The following USF2 variants were observed in gnomAD, a reference collection of about 807,000 sequenced individuals.
USF2 encodes upstream stimulatory factor 2.
A neutral mutation model predicts 46.9 loss-of-function variants in USF2; 16 were observed. The observed-to-expected ratio is 0.34, with a 90% CI of 0.23 to 0.52. USF2 has a LOEUF of 0.52. USF2 is among the 20% of genes least tolerant of loss of function. The pLI is 0.96. For missense variants in USF2, 411 were observed against 474.0 expected (o/e 0.87, Z 1.23); for synonymous variants, 239 against 194.1 (o/e 1.23, Z -1.92).
At chr19:35,278,579 G>T in intron 7 of USF2, 119 bp from the exon 8 acceptor site, 1 of 1,002,132 alleles carries the variant, frequency 1.0e-6, no homozygotes. Context: ...CCAGGGCTGT[G>T]GTCTCGGTGG....
At chr19:35,276,069 CTTTTTTTTTT>C (rs752967792) in intron 7 of USF2, among the ~76,000 whole-genome samples, 3 of 112,042 alleles carry the variant, frequency 2.7e-5, no homozygotes, top group East Asian at 2.4e-4. Flanking sequence ...TGAATTTTCT[CTTTTTTTTTT>C]TTTTTTTTTT....
At chr19:35,277,911 G>A (rs1245908653) in intron 7 of USF2, 1 of 152,290 alleles carries the variant, frequency 6.6e-6, no homozygotes, top group Non-Finnish European at 1.5e-5. Context: ...AAAGGCATGT[G>A]CTCTGTCTGG....
chr19:35,273,675 A>C (rs1273249467), intron 7 of USF2, among the ~76,000 whole-genome samples: 1 of 152,110 alleles, frequency 6.6e-6, no homozygotes, highest in African/African-American at 2.4e-5. Flanking sequence ...CTCACACCTC[A>C]GGCTTCTGAG....
In USF2 at chr19:35,270,572, C is replaced by T. The variant is rs369423573; in HGVS notation, c.555C>T (p.Thr185=). ...ATACTACGGCTGTGTCCGTACAGAC[C>T]ACAGACCAGAGCTTGCAGGCTGGAG... ...VGDTTAVSVQ[T]TDQSLQAGGQ... is the part of the protein sequence containing the mutation. The change falls in exon 5 of 10, where the codon ACC becomes ACT. Residue 185 remains threonine (T), a synonymous_variant. Coordinates refer to ENST00000222305, the MANE Select transcript of USF2 (RefSeq NM_003367.4). The T allele has an allele frequency of 2.5e-6, 4 of 1,613,882 alleles. No homozygotes were observed. Among genetic ancestry groups the T allele is most frequent in the Middle Eastern group, 1.6e-4 (1 of 6,084 alleles).
At chr19:35,278,286 GCT>G (rs2145585583) in intron 7 of USF2, 1 of 183,500 alleles carries the variant, frequency 5.4e-6, no homozygotes, top group East Asian at 1.6e-4. Flanking sequence ...GCGAAGAGTG[GCT>G]CTGTCCATCC....
Position 35,269,666 on chromosome 19 carries a change from G to A in USF2, c.195G>A (p.Gln65=). 1.3e-6 allele frequency: 2 copies of A among 1,500,534 alleles called. No homozygotes were observed. The highest frequency in any genetic ancestry group is 1.8e-6 in the Non-Finnish European group (2 of 1,117,242). The allele number at this position is 1,500,534 out of a possible 1,614,324, so 93.0% of individuals were successfully genotyped here. Residue 65 remains glutamine (Q), a synonymous_variant, in exon 3 of 10, where the codon CAG becomes CAA. Transcript: ENST00000222305. ...CGGCGTTCGGCGACCACAACATCCAGTACCAGTTCCGCACAGAGACAAATG... is the reference window on the plus strand; with the variant it reads ...CGGCGTTCGGCGACCACAACATCCAATACCAGTTCCGCACAGAGACAAATG... ...QQAAFGDHNI[Q]YQFRTETNGG... is the part of the protein sequence containing the mutation.
chr19:35,274,550 T>A (rs572062667), intron 7 of USF2, among the ~76,000 whole-genome samples: 3 of 152,112 alleles, frequency 2.0e-5, no homozygotes, highest in East Asian at 1.9e-4. Context: ...CCAGCACTTT[T>A]GGGATTACAT....
Position 35,270,001 on chromosome 19 carries a change from C to G in USF2, c.427C>G (p.Leu143Val). The G allele has an allele frequency of 7.5e-7, 1 of 1,340,174 alleles. No individual in the cohort carries two copies. Among genetic ancestry groups the G allele is most frequent in the Non-Finnish European group, 9.5e-7 (1 of 1,052,268 alleles). The allele number at this position is 1,340,174 out of a possible 1,614,324, so 83.0% of individuals were successfully genotyped here. Reference sequence around the variant, plus strand: ...CCCAGGTCCTGCAGCGCCCTTCCCGCTGGTAGGTGCCCTGCCACCCCTGGG... The same window carrying G: ...CCCAGGTCCTGCAGCGCCCTTCCCGGTGGTAGGTGCCCTGCCACCCCTGGG... ...VPPGPAAPFPLAVIQNPFSNG... is the reference protein window; with the variant it reads ...VPPGPAAPFPVAVIQNPFSNG... Residue 143 changes from leucine (L) to valine (V), a missense_variant and splice_region_variant, in exon 4 of 10, where the codon CTG becomes GTG. By Grantham distance (32) the Leu-to-Val change is conservative. This residue lies in a region of USF2 where 318 missense variants were observed against 322.4 expected (regional missense o/e 0.99). Coordinates refer to ENST00000222305, the MANE Select transcript of USF2 (RefSeq NM_003367.4).
intron 7 of USF2, chr19:35,276,900 C>T (rs2066241669): frequency 1.3e-5 from 2 of 152,480 alleles, no homozygotes; most frequent in African/African-American, 2.4e-5. Flanking sequence ...CCACCCTGGA[C>T]CCCAGCCTGG....
rs1228133537 is a variant in USF2 at position 35,269,658 on chromosome 19, A to C, written c.187A>C (p.Asn63His). 11 of 1,518,336 alleles carry C rather than the reference A, an allele frequency of 7.2e-6. No individual in the cohort carries two copies. Among genetic ancestry groups the C allele is most frequent in the African/African-American group, 1.4e-5 (1 of 69,492 alleles). 94.1% of individuals were successfully genotyped at this position (1,518,336 alleles called of 1,614,324 possible). ...SVQQAAFGDH[N>H]IQYQFRTETN... ...CCAGCAGGCGGCGTTCGGCGACCAC[A>C]ACATCCAGTACCAGTTCCGCACAGA... Residue 63 changes from asparagine (N) to histidine (H), a missense_variant, in exon 3 of 10, where the codon AAC becomes CAC. Coordinates refer to ENST00000222305, the MANE Select transcript of USF2 (RefSeq NM_003367.4).
chr19:35,269,221 C>T (rs1457552979), intron 1 of USF2, 58 bp downstream of exon 1: 2 of 971,746 alleles, frequency 2.1e-6, no homozygotes. Context: ...GGCCCCGCGG[C>T]CTGCAGGCCG....
At chr19:35,278,420 T>TG (rs1443281350) in intron 7 of USF2, 8 of 417,734 alleles carry the variant, frequency 1.9e-5, no homozygotes, top group Non-Finnish European at 3.4e-5. Context: ...ACAAGTATGG[T>TG]GGGGCAGGCC....
rs578105559 is a variant in USF2 at position 35,271,428 on chromosome 19, G to A, written c.727+287G>A. On this transcript the variant is annotated intron_variant, in intron 7 of 9. Transcript: ENST00000222305. ...GATGGTGGACTTCACACTCCCATAC[G>A]GATTGCCTGCCCCACTTGAAAAATG... is the stretch of plus-strand genomic sequence containing the variant. 2.5e-4 allele frequency among the ~76,000 whole-genome samples: 38 copies of A among 152,278 alleles called. 1 individual carries two copies. In the South Asian group the frequency reaches 6.8e-3, roughly 27 times the overall value.
At chr19:35,271,840 G>C (rs1176125458) in intron 7 of USF2, among the ~76,000 whole-genome samples, 4 of 152,222 alleles carry the variant, frequency 2.6e-5, no homozygotes, top group Admixed American at 2.6e-4. Context: ...CTGGCCTGGA[G>C]CGTCAGGGAG....
rs779062840 is a variant in USF2 at position 35,278,995 on chromosome 19, G to A, written c.872G>A (p.Arg291His). 1 of 1,565,534 alleles carries A rather than the reference G, an allele frequency of 6.4e-7. No individual in the cohort carries two copies. The highest frequency in any genetic ancestry group is 8.7e-7 in the Non-Finnish European group (1 of 1,154,864). ...SKACDYIREL[R>H]QTNQRMQETF... ...GCCTGCGATTACATCCGGGAGTTGC[G>A]CCAGACCAACCAGCGCATGCAGGAG... Residue 291 changes from arginine to histidine, a missense_variant, in exon 9 of 10, where the codon CGC (arginine) becomes CAC (histidine). By Grantham distance (29) the Arg-to-His change is conservative. Transcript: ENST00000222305.
intron 4 of USF2, 94 bp from the exon 5 acceptor site, chr19:35,270,353 G>C (rs752447539): frequency 2.0e-6 from 3 of 1,521,596 alleles, no homozygotes; most frequent in Non-Finnish European, 2.7e-6. Flanking sequence ...CCTGTTAATT[G>C]CAGAGAATGC....
In USF2 at chr19:35,269,578, C is replaced by T. The variant is rs2066113324; in HGVS notation, c.110-3C>T. 3 of 1,582,718 alleles carry T rather than the reference C, an allele frequency of 1.9e-6. No homozygotes were observed. The highest frequency in any genetic ancestry group is 2.6e-6 in the Non-Finnish European group (3 of 1,166,478). ...ACCGTGCCCCGACCCTCCTCGGCCC[C>T]AGGCGGGGACGGCCCAGGAGCGGAG... On this transcript the variant is annotated splice_polypyrimidine_tract_variant and splice_region_variant and intron_variant, in intron 2 of 9. Coordinates refer to ENST00000222305, the MANE Select transcript of USF2 (RefSeq NM_003367.4).
chr19:35,271,513 C>T (rs941972978), intron 7 of USF2, among the ~76,000 whole-genome samples: 6 of 152,204 alleles, frequency 3.9e-5, no homozygotes, highest in Non-Finnish European at 8.8e-5. Context: ...GCTCACATCC[C>T]GCACTCCCAT....
At chr19:35,275,593 A>G (rs954526125) in intron 7 of USF2, among the ~76,000 whole-genome samples, 3 of 152,068 alleles carry the variant, frequency 2.0e-5, no homozygotes, top group Admixed American at 6.6e-5. Flanking sequence ...CCACTGGGAT[A>G]TGTTGTTTTT....
Sources: allele counts gnomAD v4.1 joint callset (sites outside exome capture counted in the v4.1 genomes callset), GRCh38; gene constraint gnomAD v4.1.1; regional missense constraint gnomAD v4.1.1; transcripts MANE v1.5; gene names NCBI Gene and HGNC (gene_info 2026-07-23, HGNC 2026-07-21).